Variants in SLC9A6 observed in about 807,000 individuals in gnomAD.
SLC9A6 encodes solute carrier family 9 member A6, also known as sodium/hydrogen exchanger 6.
Under a neutral mutation model 45.3 loss-of-function variants are expected in SLC9A6, and 6 were observed. That is an observed-to-expected ratio of 0.13 (90% confidence interval 0.07 to 0.26). SLC9A6 has a LOEUF of 0.26. SLC9A6 is among the 10% of genes least tolerant of loss of function. The probability of loss-of-function intolerance (pLI) is 1.00; values close to 1 mark genes in which losing one functional copy is unlikely to be tolerated. For missense variants in SLC9A6, 278 were observed against 503.7 expected (o/e 0.55, Z 4.29); for synonymous variants, 191 against 187.7 (o/e 1.02, Z -0.14).
intron 1 of SLC9A6, among the ~76,000 whole-genome samples, chrX:135,979,496 G>A (rs890917402): frequency 1.8e-5 from 2 of 111,245 alleles, no homozygotes; most frequent in Admixed American, 9.6e-5. Context: ...TCTACTTTCT[G>A]ACTCCCACAT....
chrX:136,039,350 T>A (rs2071468107), intron 16 of SLC9A6, among the ~76,000 whole-genome samples: 1 of 111,391 alleles, frequency 9.0e-6, no homozygotes, highest in South Asian at 3.8e-4. Context: ...TTTGTGTGTC[T>A]GTATCCTTTT....
In SLC9A6 at chrX:136,046,746, T is replaced by C. The variant is rs2071605670; in HGVS notation, c.*2022T>C. On this transcript the variant is annotated 3_prime_UTR_variant, in exon 18 of 18. Coordinates refer to ENST00000630721, the MANE Select transcript of SLC9A6 (RefSeq NM_001379110.1). Reference sequence around the variant, plus strand: ...GCTTACATCAGCATCTGGAAGACTTTCCTCTCCTCTAATCTGTGTACACAT... The same window carrying C: ...GCTTACATCAGCATCTGGAAGACTTCCCTCTCCTCTAATCTGTGTACACAT... The C allele has an allele frequency of 1.8e-5, 2 of 112,112 alleles. No individual in the cohort carries two copies. The highest frequency in any genetic ancestry group is 6.5e-5 in the African/African-American group (2 of 30,704). The allele number at this position is 112,112 out of a possible 1,213,427, so 9.2% of individuals were successfully genotyped here.
upstream of SLC9A6, among the ~76,000 whole-genome samples, chrX:135,982,403 G>T (rs1187252051): frequency 7.6e-5 from 8 of 105,789 alleles, no homozygotes; most frequent in Non-Finnish European, 2.0e-5. Flanking sequence ...GGCGGGGGTT[G>T]GGGGGGGCGG....
rs781948863 is a variant in SLC9A6, at chrX:136,008,307, C to T, written c.744-2135C>T. On this transcript the variant is annotated intron_variant, in intron 7 of 17. Coordinates refer to ENST00000630721, the MANE Select transcript of SLC9A6 (RefSeq NM_001379110.1). ...CTGGAGTGCAATGGCATGATGTCAG[C>T]TCACTGCAACCTCCACCTCCCGGGT... 6.3e-5 allele frequency among the ~76,000 whole-genome samples: 7 copies of T among 111,472 alleles called. No homozygotes were observed. In the East Asian group the frequency reaches 2.0e-3, roughly 31 times the overall value.
In SLC9A6 at chrX:136,040,143, C is replaced by A; in HGVS notation, c.1729C>A (p.Pro577Thr). 1 of 1,210,742 alleles carries A rather than the reference C, an allele frequency of 8.3e-7. No homozygotes were observed. The highest frequency in any genetic ancestry group is 1.1e-6 in the Non-Finnish European group (1 of 894,801). The change falls in exon 17 of 18, where the codon CCC (proline) becomes ACC (threonine). Residue 577 changes from proline (P) to threonine (T), a missense_variant. Physicochemically the swap from Pro to Thr is conservative, Grantham distance 38 (BLOSUM62 -1). Around this residue, in one of 5 missense-constraint regions of SLC9A6, gnomAD observed 91 missense variants for 125.1 expected, o/e 0.73. Coordinates refer to ENST00000630721, the MANE Select transcript of SLC9A6 (RefSeq NM_001379110.1). ...LTTTLPACCG[P>T]IARCLTSPQA... Reference sequence around the variant, plus strand: ...AACAACACTCCCTGCCTGCTGTGGACCCATCGCCAGGTGCCTCACCAGCCC... The same window carrying A: ...AACAACACTCCCTGCCTGCTGTGGAACCATCGCCAGGTGCCTCACCAGCCC...
chrX:136,016,785 G>GAAAATCTCAATTA, intron 11 of SLC9A6, 27 bp downstream of exon 11: 2 of 870,741 alleles, frequency 2.3e-6, no homozygotes, highest in Non-Finnish European at 3.4e-6. Context: ...GTTTTATTTT[G>GAAAATCTCAATTA]AAAATATTTT....
chrX:135,974,933 C>T (rs1324427987), intron 1 of SLC9A6: 7 of 249,510 alleles, frequency 2.8e-5, no homozygotes, highest in Non-Finnish European at 5.3e-5. Flanking sequence ...ATCTCTGATC[C>T]GGGTAAAATG....
chrX:135,983,601 G>A (rs1469822999), upstream of SLC9A6: 2 of 109,269 alleles, frequency 1.8e-5, no homozygotes, highest in African/African-American at 3.4e-5. Context: ...AGAGATTGCT[G>A]AGGGGCATAC....
Position 135,985,469 on chromosome X carries a change from GC to G in SLC9A6, c.-63del. Reference sequence around the variant, plus strand: ...GGGAGTGGTCCGACCGCGGGCGGCCGCCGGTGAGGTAGGGGCGGGAGGCGGG... The same window carrying G: ...GGGAGTGGTCCGACCGCGGGCGGCCGCGGTGAGGTAGGGGCGGGAGGCGGG... On this transcript the variant is annotated 5_prime_UTR_variant, in exon 1 of 18. Coordinates refer to ENST00000630721, the MANE Select transcript of SLC9A6 (RefSeq NM_001379110.1). 8.8e-6 allele frequency: 9 copies of G among 1,017,402 alleles called. No individual in the cohort carries two copies. Among genetic ancestry groups the G allele is most frequent in the Non-Finnish European group, 1.1e-5 (9 of 796,224 alleles). The allele number at this position is 1,017,402 out of a possible 1,213,427, so 83.8% of individuals were successfully genotyped here. A position where few individuals can be genotyped will look rare whatever the true frequency, so the allele number is the denominator to read the frequency against.
At chrX:136,026,239 A>G (rs1435596750) in intron 13 of SLC9A6, among the ~76,000 whole-genome samples, 1 of 111,843 alleles carries the variant, frequency 8.9e-6, no homozygotes, top group East Asian at 2.8e-4. Context: ...TTTTAAGGGC[A>G]CTGCAAAGTC....
intron 1 of SLC9A6, among the ~76,000 whole-genome samples, chrX:135,977,045 A>T: frequency 8.9e-6 from 1 of 112,285 alleles, no homozygotes; most frequent in Middle Eastern, 4.6e-3. Context: ...TGTATCATTC[A>T]AATAAGTACC....
At chrX:135,988,860 A>G (rs782027727) in intron 2 of SLC9A6, among the ~76,000 whole-genome samples, 2 of 110,575 alleles carry the variant, frequency 1.8e-5, no homozygotes, top group Non-Finnish European at 3.8e-5. Flanking sequence ...GGCTCAAGCT[A>G]TCCTTTCACC....
At chrX:135,978,371 G>C (rs1163349943) in intron 1 of SLC9A6, among the ~76,000 whole-genome samples, 1 of 111,733 alleles carries the variant, frequency 8.9e-6, no homozygotes, top group South Asian at 3.7e-4. Context: ...AGCCTTCCTA[G>C]CTGGGCACGG....
chrX:136,033,615 C>T, intron 16 of SLC9A6, 122 bp downstream of exon 16: 2 of 379,251 alleles, frequency 5.3e-6, no homozygotes, highest in South Asian at 5.7e-5. Context: ...CTTTCATCTT[C>T]CCTTTCCCCA....
intron 16 of SLC9A6, among the ~76,000 whole-genome samples, chrX:136,036,076 C>T (rs1467756512): frequency 9.0e-6 from 1 of 111,138 alleles, no homozygotes; most frequent in African/African-American, 3.3e-5. Context: ...AGCTTTAAAA[C>T]AGACATTGCC....
At position 136,022,705 on chromosome X, in the gene SLC9A6, G is replaced by T; in HGVS notation, c.1306+8G>T. The stretch of plus-strand genomic sequence containing the variant: ...ACATGATGATGTTTGCTGGTAAGTT[G>T]TAACTTTCTTCTCTTGCCCACTTCA... On this transcript the variant is annotated splice_region_variant and intron_variant, in intron 12 of 17. Transcript: ENST00000630721. 9.0e-7 allele frequency: 1 copy of T among 1,108,685 alleles called. No homozygotes were observed. Among genetic ancestry groups the T allele is most frequent in the Non-Finnish European group, 1.2e-6 (1 of 806,861 alleles). The allele number at this position is 1,108,685 out of a possible 1,213,427, so 91.4% of individuals were successfully genotyped here. A position where few individuals can be genotyped will look rare whatever the true frequency, so the allele number is the denominator to read the frequency against.
chrX:136,011,829 G>A (rs1184012990), intron 8 of SLC9A6, among the ~76,000 whole-genome samples: 1 of 111,404 alleles, frequency 9.0e-6, no homozygotes, highest in Non-Finnish European at 1.9e-5. Context: ...AGTGGCTCGT[G>A]CCTGTAATCC....
At chrX:135,977,834 A>T (rs1236862750) in intron 1 of SLC9A6, among the ~76,000 whole-genome samples, 12 of 112,090 alleles carry the variant, frequency 1.1e-4, no homozygotes, top group African/African-American at 3.9e-4. Context: ...AGTAAACAGT[A>T]CTGTGGTTAC....
chrX:135,997,650 C>T (rs782043602), intron 3 of SLC9A6, among the ~76,000 whole-genome samples: 4 of 93,054 alleles, frequency 4.3e-5, no homozygotes, highest in African/African-American at 1.4e-4. Flanking sequence ...TCAGGTGATC[C>T]GCCCATCCGC....
Sources: allele counts gnomAD v4.1 joint callset (sites outside exome capture counted in the v4.1 genomes callset), GRCh38; gene constraint gnomAD v4.1.1; regional missense constraint gnomAD v4.1.1; transcripts MANE v1.5; gene names NCBI Gene and HGNC (gene_info 2026-07-23, HGNC 2026-07-21).